Variants in VPS53 observed in about 807,000 individuals in gnomAD.
VPS53 encodes vacuolar protein sorting-associated protein 53 homolog.
A neutral mutation model predicts 107.0 loss-of-function variants in VPS53; 70 were observed. The ratio of observed to expected loss-of-function variants is 0.65; its 90% CI spans 0.54 to 0.80. The LOEUF (loss-of-function observed/expected upper bound fraction) is 0.80, where lower values mean the gene tolerates loss of function less well. VPS53 is among the 30% of genes least tolerant of loss of function. The pLI, the probability that VPS53 is intolerant of heterozygous loss-of-function variation, is 0.00. For synonymous variants in VPS53, 409 were observed against 393.3 expected, an observed-to-expected ratio of 1.04 and a Z score of -0.47; for missense variants, 917 against 1,049.4, an observed-to-expected ratio of 0.87 and a Z score of 1.74.
At chr17:537,399 C>T in intron 17 of VPS53, 1 of 509,920 alleles carries the variant, frequency 2.0e-6, no homozygotes, top group Non-Finnish European at 3.5e-6. Flanking sequence ...GACCCAGACC[C>T]TTTCCTTTTC....
At chr17:585,210 G>C (rs759164509) in intron 13 of VPS53, among the ~76,000 whole-genome samples, 34 of 152,218 alleles carry the variant, frequency 2.2e-4, no homozygotes, top group Non-Finnish European at 4.3e-4. Flanking sequence ...AAATCAATGT[G>C]ATGTGCCTCT....
rs140540602 is a variant in VPS53 at position 672,577 on chromosome 17, C to T, written c.286-10682G>A. Among the ~76,000 whole-genome samples, 56 of 152,290 alleles carry T rather than the reference C, an allele frequency of 3.7e-4. No individual in the cohort carries two copies. The East Asian group carries it at 0.011, about 29-fold the overall frequency. On this transcript the variant is annotated intron_variant, in intron 4 of 21. Transcript: ENST00000437048. ...GCTAAGTTCAGTATCTGCAGGCAGA[C>T]TCAGAAGAACGGCTCATGGATTAAG... is the stretch of plus-strand genomic sequence containing the variant.
intron 15 of VPS53, among the ~76,000 whole-genome samples, chr17:557,160 G>A (rs901740915): frequency 1.1e-4 from 16 of 152,210 alleles, no homozygotes; most frequent in African/African-American, 3.6e-4. Flanking sequence ...CACTCTTCTG[G>A]AAGCTCTGAG....
intron 7 of VPS53, among the ~76,000 whole-genome samples, chr17:641,418 G>A (rs1970420832): frequency 6.6e-6 from 1 of 152,142 alleles, no homozygotes; most frequent in African/African-American, 2.4e-5. Context: ...CTACAAAGAG[G>A]TAGCTCAACT....
chr17:681,800 G>A (rs569019615), intron 4 of VPS53, among the ~76,000 whole-genome samples: 101 of 152,302 alleles, frequency 6.6e-4, no homozygotes, highest in South Asian at 1.9e-3. Flanking sequence ...CTCACAGACG[G>A]CATCTTCTAT....
chr17:586,048 C>CT (rs1967292691), intron 13 of VPS53, among the ~76,000 whole-genome samples: 1 of 152,138 alleles, frequency 6.6e-6, no homozygotes, highest in Admixed American at 6.5e-5. Context: ...TAGGGATCCA[C>CT]TGGGGACCTT....
At chr17:521,802 G>A (rs1908777410) in intron 19 of VPS53, 64 bp from the exon 20 acceptor site, 2 of 1,376,674 alleles carry the variant, frequency 1.5e-6, no homozygotes, top group South Asian at 1.8e-5. Flanking sequence ...GTGGACTCAT[G>A]CCGATGAGTC....
chr17:609,403 T>C (rs897302086), intron 11 of VPS53, among the ~76,000 whole-genome samples: 1 of 152,238 alleles, frequency 6.6e-6, no homozygotes, highest in Non-Finnish European at 1.5e-5. Context: ...TCTACTGATG[T>C]TTCTACTTTT....
chr17:534,503 G>A (rs1441829406), intron 18 of VPS53, among the ~76,000 whole-genome samples: 5 of 152,144 alleles, frequency 3.3e-5, no homozygotes, highest in Admixed American at 6.5e-5. Flanking sequence ...GTAAACAAGG[G>A]GCTATTTGGA....
At chr17:680,157 G>C (rs1390377119) in intron 4 of VPS53, among the ~76,000 whole-genome samples, 1 of 152,178 alleles carries the variant, frequency 6.6e-6, no homozygotes, top group East Asian at 1.9e-4. Context: ...AGCCGGTCAT[G>C]GTAGCAGGCG....
At chr17:701,374 T>C (rs1973190945) in intron 2 of VPS53, among the ~76,000 whole-genome samples, 1 of 151,660 alleles carries the variant, frequency 6.6e-6, no homozygotes, top group South Asian at 2.1e-4. Flanking sequence ...TATATAATTA[T>C]ATATATACAT....
At chr17:651,139 TACAC>T (rs1002900681) in intron 7 of VPS53, among the ~76,000 whole-genome samples, 1 of 151,868 alleles carries the variant, frequency 6.6e-6, no homozygotes, top group African/African-American at 2.4e-5. Context: ...TTTATGTAAA[TACAC>T]ACACACAAAT....
At chr17:530,600 T>C (rs1384801187) in intron 19 of VPS53, among the ~76,000 whole-genome samples, 1 of 152,226 alleles carries the variant, frequency 6.6e-6, no homozygotes, top group Non-Finnish European at 1.5e-5. Context: ...ATTTTTTGCC[T>C]TGTTGTCCTA....
intron 4 of VPS53, among the ~76,000 whole-genome samples, chr17:668,764 A>T (rs1971811344): frequency 6.6e-6 from 1 of 152,158 alleles, no homozygotes; most frequent in Non-Finnish European, 1.5e-5. Flanking sequence ...AAAAGGGGCT[A>T]AGTTATACAC....
At position 517,565 on chromosome 17, in the gene VPS53, G is replaced by A. The variant is rs1246576824; in HGVS notation, c.*1563C>T. ...GAAGGGGTCTTGCTCTGTCACCCAG[G>A]CTGGAGTGCAGTGGTGAAATCTTGG... is the stretch of plus-strand genomic sequence containing the variant. On this transcript the variant is annotated 3_prime_UTR_variant, in exon 22 of 22. Coordinates refer to ENST00000437048, the MANE Select transcript of VPS53 (RefSeq NM_001128159.3). 4 of 396,452 alleles carry A rather than the reference G, an allele frequency of 1.0e-5. No individual in the cohort carries two copies. Among genetic ancestry groups the A allele is most frequent in the Non-Finnish European group, 4.4e-6 (1 of 224,880 alleles). 24.6% of individuals were successfully genotyped at this position (396,452 alleles called of 1,614,324 possible). A position where few individuals can be genotyped will look rare whatever the true frequency, so the allele number is the denominator to read the frequency against.
At chr17:547,302 A>G (rs534853577) in intron 17 of VPS53, among the ~76,000 whole-genome samples, 1 of 152,366 alleles carries the variant, frequency 6.6e-6, no homozygotes, top group East Asian at 1.9e-4. Context: ...ATGAATAAAC[A>G]AAATGTGGTC....
intron 3 of VPS53, among the ~76,000 whole-genome samples, chr17:698,790 T>G (rs1236410209): frequency 6.6e-6 from 1 of 152,148 alleles, no homozygotes; most frequent in Admixed American, 6.6e-5. Context: ...TTGAGTAGAC[T>G]CTATCACAGC....
At chr17:701,050 G>A (rs755598752) in intron 2 of VPS53, among the ~76,000 whole-genome samples, 9 of 152,166 alleles carry the variant, frequency 5.9e-5, no homozygotes, top group South Asian at 2.1e-4. Context: ...CAGGCTGGAC[G>A]TGATGGCTCA....
At chr17:630,727 T>G (rs766885866) in intron 8 of VPS53, among the ~76,000 whole-genome samples, 3 of 152,208 alleles carry the variant, frequency 2.0e-5, no homozygotes, top group Non-Finnish European at 4.4e-5. Context: ...ACAGAGCAGA[T>G]GCAGGAAATG....
Sources: allele counts gnomAD v4.1 joint callset (sites outside exome capture counted in the v4.1 genomes callset), GRCh38; gene constraint gnomAD v4.1.1; transcripts MANE v1.5; gene names NCBI Gene and HGNC (gene_info 2026-07-23, HGNC 2026-07-21).